Variants in CSMD1 observed in about 807,000 individuals in gnomAD.
CSMD1 encodes CUB and sushi domain-containing protein 1.
A neutral mutation model predicts 417.5 loss-of-function variants in CSMD1; 213 were observed. The observed-to-expected ratio is 0.51, with a 90% confidence interval of 0.46 to 0.57. CSMD1 has a LOEUF of 0.57. Ranked by LOEUF, CSMD1 falls within the 20% of genes least tolerant of loss-of-function variation. CSMD1 has a pLI of 0.00. For synonymous variants in CSMD1, 2,862 were observed against 1,736.8 expected, an observed-to-expected ratio of 1.65 and a Z score of -16.11; for missense variants, 6,923 against 4,529.7, an observed-to-expected ratio of 1.53 and a Z score of -15.17.
chr8:3,272,851 C>G (rs375131196), intron 26 of CSMD1, among the ~76,000 whole-genome samples: 179 of 150,402 alleles, frequency 1.2e-3, no homozygotes, highest in African/African-American at 4.0e-3. Context: ...TGGGGTTTTC[C>G]AGATATACAA....
chr8:4,061,211 C>T (rs1214479335), intron 3 of CSMD1, among the ~76,000 whole-genome samples: 2 of 152,140 alleles, frequency 1.3e-5, no homozygotes, highest in Non-Finnish European at 2.9e-5. Flanking sequence ...TTTAGGAACC[C>T]AGCCCTGCTG....
chr8:4,760,303 T>C (rs554434770), intron 1 of CSMD1, among the ~76,000 whole-genome samples: 1 of 152,334 alleles, frequency 6.6e-6, no homozygotes, highest in East Asian at 1.9e-4. Flanking sequence ...AGATAATTCT[T>C]CTAATCCTTA....
chr8:4,022,685 G>T (rs1205622118), intron 4 of CSMD1, among the ~76,000 whole-genome samples: 1 of 152,170 alleles, frequency 6.6e-6, no homozygotes, highest in Non-Finnish European at 1.5e-5. Flanking sequence ...TGGGGGAAAT[G>T]AAGGCAAGTG....
At chr8:3,284,462 C>G (rs192392163) in intron 25 of CSMD1, 116 bp from the exon 26 acceptor site, 2 of 711,458 alleles carry the variant, frequency 2.8e-6, no homozygotes, top group East Asian at 5.4e-5. Flanking sequence ...ACATGTGCCT[C>G]GGTACTTACT....
intron 3 of CSMD1, among the ~76,000 whole-genome samples, chr8:4,336,375 G>A (rs1388159722): frequency 1.3e-5 from 2 of 152,248 alleles, no homozygotes; most frequent in Non-Finnish European, 1.5e-5. Flanking sequence ...AGGCAACTGT[G>A]CCTGACTAGG....
intron 5 of CSMD1, among the ~76,000 whole-genome samples, chr8:3,802,739 C>T (rs1426558410): frequency 6.6e-6 from 1 of 152,104 alleles, no homozygotes; most frequent in East Asian, 1.9e-4. Flanking sequence ...TAAAAGACAT[C>T]CCAAAAGCGT....
intron 3 of CSMD1, among the ~76,000 whole-genome samples, chr8:4,333,470 T>G (rs528012362): frequency 4.6e-5 from 7 of 152,268 alleles, no homozygotes; most frequent in Middle Eastern, 3.4e-3. Flanking sequence ...TTCCTTATCT[T>G]GGAAATTATA....
At chr8:3,738,717 T>G (rs142788713) in intron 6 of CSMD1, among the ~76,000 whole-genome samples, 2 of 152,190 alleles carry the variant, frequency 1.3e-5, no homozygotes, top group African/African-American at 4.8e-5. Flanking sequence ...TGCCACCCTG[T>G]GGTCACCAAC....
intron 3 of CSMD1, among the ~76,000 whole-genome samples, chr8:4,044,253 T>C (rs1042743167): frequency 2.0e-5 from 3 of 152,146 alleles, no homozygotes; most frequent in Non-Finnish European, 2.9e-5. Flanking sequence ...TACTTCCTTA[T>C]TGCAAATTAA....
At chr8:3,521,989 G>C (rs1439224338) in intron 10 of CSMD1, among the ~76,000 whole-genome samples, 1 of 152,194 alleles carries the variant, frequency 6.6e-6, no homozygotes. Context: ...TTTCCACACA[G>C]TGTAAACAAG....
At chr8:4,699,002 T>C (rs1036665541) in intron 1 of CSMD1, among the ~76,000 whole-genome samples, 2 of 152,106 alleles carry the variant, frequency 1.3e-5, no homozygotes, top group African/African-American at 4.8e-5. Flanking sequence ...TCATGCTTTG[T>C]GTCTCCACTA....
chr8:4,286,679 G>C (rs577556412), intron 3 of CSMD1, among the ~76,000 whole-genome samples: 1 of 152,270 alleles, frequency 6.6e-6, no homozygotes, highest in African/African-American at 2.4e-5. Context: ...TGATTTTGTA[G>C]GGCCACAGTG....
chr8:2,958,923 A>G (rs1214879288), intron 62 of CSMD1, among the ~76,000 whole-genome samples: 2 of 152,266 alleles, frequency 1.3e-5, no homozygotes, highest in Non-Finnish European at 2.9e-5. Context: ...TAGTTGGTAC[A>G]CTGAATAGTG....
intron 52 of CSMD1, among the ~76,000 whole-genome samples, chr8:3,014,998 C>G (rs1016490208): frequency 6.6e-6 from 1 of 151,818 alleles, no homozygotes; most frequent in Non-Finnish European, 1.5e-5. Flanking sequence ...TTATTACACA[C>G]CGTATGTGTG....
At chr8:3,194,952 A>G (rs1433707547) in intron 33 of CSMD1, among the ~76,000 whole-genome samples, 2 of 152,098 alleles carry the variant, frequency 1.3e-5, no homozygotes, top group African/African-American at 4.8e-5. Context: ...AGTCCTGGCC[A>G]ATAGACATTT....
chr8:4,386,301 C>T (rs1220637675), intron 3 of CSMD1, among the ~76,000 whole-genome samples: 1 of 151,902 alleles, frequency 6.6e-6, no homozygotes, highest in Non-Finnish European at 1.5e-5. Flanking sequence ...TCAAACAAAA[C>T]ACACTATCAG....
chr8:4,798,272 T>C (rs113724210), intron 1 of CSMD1, among the ~76,000 whole-genome samples: 2,483 of 152,316 alleles, frequency 0.016, 67 homozygotes, highest in African/African-American at 0.057. Flanking sequence ...GTTTGTTTTC[T>C]GTCCTTGCGC....
intron 1 of CSMD1, among the ~76,000 whole-genome samples, chr8:4,822,451 T>C (rs1272768041): frequency 2.0e-5 from 3 of 152,088 alleles, no homozygotes; most frequent in African/African-American, 4.8e-5. Flanking sequence ...TTCCAAAAAA[T>C]GTAAACTGTC....
At chr8:3,722,661 C>T (rs1366309577) in intron 6 of CSMD1, among the ~76,000 whole-genome samples, 1 of 152,176 alleles carries the variant, frequency 6.6e-6, no homozygotes, top group Non-Finnish European at 1.5e-5. Flanking sequence ...TGTGTATATT[C>T]CGCACAGAGT....
Sources: gnomAD v4.1 joint callset for allele counts (sites outside exome capture counted in the v4.1 genomes callset) on GRCh38, gnomAD v4.1.1 for gene constraint, MANE v1.5 for transcripts, NCBI Gene and HGNC (gene_info 2026-07-23, HGNC 2026-07-21) for gene names.